Variants in DYNC1H1 observed in about 807,000 individuals in gnomAD.
The protein encoded by DYNC1H1 is dynein cytoplasmic 1 heavy chain 1.
Under a neutral mutation model 527.1 loss-of-function variants are expected in DYNC1H1, and 51 were observed. The observed-to-expected ratio is 0.10, with a 90% confidence interval of 0.08 to 0.12. DYNC1H1 has a LOEUF of 0.12. DYNC1H1 is among the 10% of genes least tolerant of loss of function. The probability of loss-of-function intolerance (pLI) is 1.00; values close to 1 mark genes in which losing one functional copy is unlikely to be tolerated. For synonymous variants in DYNC1H1, 2,189 were observed against 2,278.8 expected (o/e 0.96, Z 1.12); for missense variants, 2,771 against 5,971.8 (o/e 0.46, Z 17.66).
rs778370920 is a variant in DYNC1H1 at position 102,047,921 on chromosome 14, G to A, written c.13111G>A (p.Asp4371Asn). ...GAAGACGAGGACAGACTCCACGTCC[G>A]ACGGGCGCCCTGCCTGGATGCGGAC... is the stretch of plus-strand genomic sequence containing the variant. Reference protein sequence around the residue: ...EKKTRTDSTSDGRPAWMRTLH... With the variant: ...EKKTRTDSTSNGRPAWMRTLH... Residue 4371 changes from aspartate to asparagine, a missense_variant, in exon 73 of 78, where the codon GAC becomes AAC. By Grantham distance (23) the Asp-to-Asn change is conservative (BLOSUM62 1). Transcript: ENST00000360184. The A allele has an allele frequency of 1.6e-5, 26 of 1,613,516 alleles. No individual in the cohort carries two copies. Among genetic ancestry groups the A allele is most frequent in the Non-Finnish European group, 2.0e-5 (24 of 1,180,010 alleles).
chr14:101,987,843 C>T (rs973636911), intron 9 of DYNC1H1, among the ~76,000 whole-genome samples: 2 of 152,104 alleles, frequency 1.3e-5, no homozygotes, highest in East Asian at 1.9e-4. Flanking sequence ...TTTGAGAGGC[C>T]GAGGCAGGCA....
intron 23 of DYNC1H1, among the ~76,000 whole-genome samples, 185 bp from the exon 24 acceptor site, chr14:102,004,333 C>G (rs1300787306): frequency 1.3e-5 from 2 of 152,192 alleles, no homozygotes; most frequent in African/African-American, 2.4e-5. Flanking sequence ...TCTTCAAGAT[C>G]TTGTTAGGTA....
intron 43 of DYNC1H1, among the ~76,000 whole-genome samples, chr14:102,024,541 A>G: frequency 6.6e-6 from 1 of 152,182 alleles, no homozygotes; most frequent in East Asian, 1.9e-4. Flanking sequence ...CAGGGAGGGC[A>G]TACAAGGCAG....
rs751823044 is a variant in DYNC1H1, at chr14:102,027,121, G to A, written c.8772-53G>A. 407 of 1,567,452 alleles carry A rather than the reference G, an allele frequency of 2.6e-4. 1 individual carries two copies. Among genetic ancestry groups the A allele is most frequent in the Non-Finnish European group, 3.5e-4 (398 of 1,137,896 alleles). ...TGTAGACACTAGATATGAGTCAAAA[G>A]GGGAATGAGGCATTATAAGCCTTAA... On this transcript the variant is annotated intron_variant, in intron 44 of 77. Coordinates refer to ENST00000360184, the MANE Select transcript of DYNC1H1 (RefSeq NM_001376.5). This position sits in a 1 kb window ranked among gnomAD's most constrained non-coding sequence, Gnocchi z 7.7.
chr14:101,964,891 A>G lies in DYNC1H1; in HGVS notation c.200A>G (p.Lys67Arg), dbSNP rs776102549. 2.5e-6 allele frequency: 4 copies of G among 1,600,646 alleles called. No homozygotes were observed. The highest frequency in any genetic ancestry group is 3.4e-5 in the Admixed American group (2 of 58,176). Residue 67 changes from lysine to arginine, a missense_variant, in exon 1 of 78, where the codon AAG (lysine) becomes AGG (arginine). Physicochemically the swap from Lys to Arg is conservative, Grantham distance 26. Transcript: ENST00000360184. This position sits in a 1 kb window ranked among gnomAD's most constrained non-coding sequence, Gnocchi z 5.5. The stretch of plus-strand genomic sequence containing the variant: ...AAGAGCGCCCTGGAGCAGATGCGCA[A>G]GTTCCTTTCGGACCCGCAGGTCCAC... ...EEKSALEQMR[K>R]FLSDPQVHTV...
intron 62 of DYNC1H1, 29 bp from the exon 63 acceptor site, chr14:102,040,207 C>A (rs752876051): frequency 9.9e-6 from 16 of 1,613,710 alleles, no homozygotes. Flanking sequence ...ACGTGAGAGA[C>A]CCTAGCTAAC....
rs2048079555 is a variant in DYNC1H1 at position 101,997,690 on chromosome 14, G to T, written c.3804+416G>T. On this transcript the variant is annotated intron_variant, in intron 16 of 77. Coordinates refer to ENST00000360184, the MANE Select transcript of DYNC1H1 (RefSeq NM_001376.5). The surrounding 1 kb of genome is among the most constrained non-coding windows in gnomAD (Gnocchi z 4.8). Reference sequence around the variant, plus strand: ...GGCAGGTTCTGTTGTCTTCGTCATTGTAGCCATTTAAACCTTCCACCACCC... The same window carrying T: ...GGCAGGTTCTGTTGTCTTCGTCATTTTAGCCATTTAAACCTTCCACCACCC... Among the ~76,000 whole-genome samples, 1 of 152,162 alleles carries T rather than the reference G, an allele frequency of 6.6e-6. No individual in the cohort carries two copies. Among genetic ancestry groups the T allele is most frequent in the Non-Finnish European group, 1.5e-5 (1 of 68,026 alleles).
rs756094783 is a variant in DYNC1H1, at chr14:102,050,577, C to A, written c.*14C>A. 1 of 1,614,184 alleles carries A rather than the reference C, an allele frequency of 6.2e-7. No individual in the cohort carries two copies. Among genetic ancestry groups the A allele is most frequent in the Non-Finnish European group, 8.5e-7 (1 of 1,180,024 alleles). ...TGCACAGAGTAAACTTTTCTAGCTG[C>A]CCCTTTCTGTAATAGTGAAAGTTGG... On this transcript the variant is annotated 3_prime_UTR_variant, in exon 78 of 78. Coordinates refer to ENST00000360184, the MANE Select transcript of DYNC1H1 (RefSeq NM_001376.5).
chr14:102,031,990 A>T lies in DYNC1H1; in HGVS notation c.9884-282A>T, dbSNP rs75216130. Reference sequence around the variant, plus strand: ...AAATATATTCTTAATCTTTATGGGGATAAAGAAATTAGGACTTGTGAGACA... The same window carrying T: ...AAATATATTCTTAATCTTTATGGGGTTAAAGAAATTAGGACTTGTGAGACA... On this transcript the variant is annotated intron_variant, in intron 51 of 77. Coordinates refer to ENST00000360184, the MANE Select transcript of DYNC1H1 (RefSeq NM_001376.5). 3.0e-4 allele frequency among the ~76,000 whole-genome samples: 46 copies of T among 152,332 alleles called. 1 individual carries two copies. The highest frequency in any genetic ancestry group is 1.1e-3 in the African/African-American group (44 of 41,586).
In DYNC1H1 at chr14:101,983,877, C is replaced by A. The variant is rs1414926565; in HGVS notation, c.1461+268C>A. Among the ~76,000 whole-genome samples, 1 of 152,094 alleles carries A rather than the reference C, an allele frequency of 6.6e-6. No individual in the cohort carries two copies. The highest frequency in any genetic ancestry group is 1.5e-5 in the Non-Finnish European group (1 of 68,022). ...TATTTTGAGTAGAGACAGGCTTTTACCATGTTGGCCAGGCTGGTTTTGAAC... is the reference window on the plus strand; with the variant it reads ...TATTTTGAGTAGAGACAGGCTTTTAACATGTTGGCCAGGCTGGTTTTGAAC... On this transcript the variant is annotated intron_variant, in intron 7 of 77. Coordinates refer to ENST00000360184, the MANE Select transcript of DYNC1H1 (RefSeq NM_001376.5). The surrounding 1 kb of genome is among the most constrained non-coding windows in gnomAD (Gnocchi z 5.3).
intron 52 of DYNC1H1, 192 bp from the exon 53 acceptor site, chr14:102,032,869 GAAAA>G (rs745824059): frequency 8.0e-6 from 5 of 628,822 alleles, no homozygotes; most frequent in Admixed American, 2.9e-5. Context: ...AAAGAAGAAA[GAAAA>G]AAATTGTTCA....
At position 102,016,051 on chromosome 14, in the gene DYNC1H1, C is replaced by G. The variant is rs1018948570; in HGVS notation, c.7438C>G (p.Pro2480Ala). 6.2e-6 allele frequency: 10 copies of G among 1,613,094 alleles called. No individual in the cohort carries two copies. The African/African-American group carries it at 1.3e-4, about 22-fold the overall frequency. ...GTATAACGCCAACCATCCCGACTTC[C>G]CCATGCAGATCGAGCAGCTGGAGCG... ...AQYNANHPDF[P>A]MQIEQLERYI... Residue 2480 changes from proline (P) to alanine (A), a missense_variant, in exon 36 of 78, where the codon CCC (proline) becomes GCC (alanine). Around this residue, in one of 32 missense-constraint regions of DYNC1H1, gnomAD observed 122 missense variants for 168.4 expected, o/e 0.72. Transcript: ENST00000360184. The surrounding 1 kb of genome is among the most constrained non-coding windows in gnomAD (Gnocchi z 7.3).
At position 102,038,645 on chromosome 14, in the gene DYNC1H1, A is replaced by T; in HGVS notation, c.11055+39A>T. 2 of 1,614,190 alleles carry T rather than the reference A, an allele frequency of 1.2e-6. No individual in the cohort carries two copies. The highest frequency in any genetic ancestry group is 1.7e-6 in the Non-Finnish European group (2 of 1,180,028). ...CCCTTCCCCAGGGAAATCTGGCAGGATGTGGTTTTGAAACTGGATTAAGAC... is the reference window on the plus strand; with the variant it reads ...CCCTTCCCCAGGGAAATCTGGCAGGTTGTGGTTTTGAAACTGGATTAAGAC... On this transcript the variant is annotated intron_variant, in intron 58 of 77. Transcript: ENST00000360184. The surrounding 1 kb of genome is among the most constrained non-coding windows in gnomAD (Gnocchi z 7.2).
Position 101,995,350 on chromosome 14 carries a change from G to A in DYNC1H1, c.3564+50G>A, listed in dbSNP as rs572610436. Reference sequence around the variant, plus strand: ...TTTTTGGCTGGGCGTGGTGGCTCACGCCTGTAATCCCAGCACTTTGGGAGG... The same window carrying A: ...TTTTTGGCTGGGCGTGGTGGCTCACACCTGTAATCCCAGCACTTTGGGAGG... On this transcript the variant is annotated intron_variant, in intron 15 of 77. Transcript: ENST00000360184. 37 of 1,610,586 alleles carry A rather than the reference G, an allele frequency of 2.3e-5. No homozygotes were observed. In the African/African-American group the frequency reaches 3.6e-4, roughly 16 times the overall value.
rs570171615 is a variant in DYNC1H1, at chr14:102,001,413, G to C, written c.4395+59G>C. The stretch of plus-strand genomic sequence containing the variant: ...GTGTTTCGGGCTGTTACATAGATCT[G>C]AGCTATGTAAAAATGGAGCCTTGTC... On this transcript the variant is annotated intron_variant, in intron 20 of 77. Transcript: ENST00000360184. The surrounding 1 kb of genome is among the most constrained non-coding windows in gnomAD (Gnocchi z 5.0). 3.7e-6 allele frequency: 6 copies of C among 1,613,290 alleles called. No homozygotes were observed. In the African/African-American group the frequency reaches 5.3e-5, roughly 14 times the overall value.
In DYNC1H1 at chr14:102,015,673, A is replaced by G. The variant is rs1366198871; in HGVS notation, c.7243-183A>G. Among the ~76,000 whole-genome samples the G allele has an allele frequency of 3.3e-5, 5 of 152,214 alleles. No homozygotes were observed. Among genetic ancestry groups the G allele is most frequent in the Non-Finnish European group, 7.3e-5 (5 of 68,040 alleles). On this transcript the variant is annotated intron_variant, in intron 35 of 77. Coordinates refer to ENST00000360184, the MANE Select transcript of DYNC1H1 (RefSeq NM_001376.5). The surrounding 1 kb of genome is among the most constrained non-coding windows in gnomAD (Gnocchi z 6.9). ...CTTTTCCATGTTCAGTGGGAAAACCAAAGTTCCTGGGAAGCAGGGTTTTTG... is the reference window on the plus strand; with the variant it reads ...CTTTTCCATGTTCAGTGGGAAAACCGAAGTTCCTGGGAAGCAGGGTTTTTG...
rs113053648 is a variant in DYNC1H1 at position 101,991,007 on chromosome 14, CAA to C, written c.2869-503_2869-502del. On this transcript the variant is annotated intron_variant, in intron 10 of 77. Transcript: ENST00000360184. ...CTGGCGACAGAGTGAGACTCCGTCT[CAA>C]AAAAAAAAAAAAAAAATACAAAAAT... Among the ~76,000 whole-genome samples the C allele has an allele frequency of 6.3e-3, 429 of 68,390 alleles. 5 individuals are homozygous for C. The highest frequency in any genetic ancestry group is 0.019 in the African/African-American group (395 of 20,338). 44.9% of individuals were successfully genotyped at this position (68,390 alleles called of 152,430 possible).
chr14:102,049,832 TCAC>T lies in DYNC1H1; in HGVS notation c.13639_13641del (p.Thr4547del), dbSNP rs2048780042. 1 of 1,613,734 alleles carries T rather than the reference TCAC, an allele frequency of 6.2e-7. No homozygotes were observed. Among genetic ancestry groups the T allele is most frequent in the African/African-American group, 1.3e-5 (1 of 74,908 alleles). ...GAGGAGCTCTGCCTGGAAGTCAACG[TCAC>T]CACCTCACAGGGCGCCACCCTTGAC... On this transcript the variant is annotated inframe_deletion, in exon 76 of 78. Coordinates refer to ENST00000360184, the MANE Select transcript of DYNC1H1 (RefSeq NM_001376.5). The surrounding 1 kb of genome is among the most constrained non-coding windows in gnomAD (Gnocchi z 5.5).
At chr14:102,047,284 GCA>G (rs1412550793) in intron 72 of DYNC1H1, among the ~76,000 whole-genome samples, 2 of 152,152 alleles carry the variant, frequency 1.3e-5, no homozygotes, top group Non-Finnish European at 2.9e-5. Flanking sequence ...TGTAATCCCA[GCA>G]CTTTGGGAGG....
Sources: allele counts gnomAD v4.1 joint callset (sites outside exome capture counted in the v4.1 genomes callset), GRCh38; gene constraint gnomAD v4.1.1; regional missense constraint gnomAD v4.1.1; non-coding constraint Gnocchi (gnomAD v3.1); transcripts MANE v1.5; gene names NCBI Gene and HGNC (gene_info 2026-07-23, HGNC 2026-07-21).